The following ARID2 variants were observed in gnomAD, a reference collection of about 807,000 sequenced individuals.
ARID2 encodes AT-rich interaction domain 2, also known as AT-rich interactive domain-containing protein 2.
Under a neutral mutation model 184.6 loss-of-function variants are expected in ARID2, and 32 were observed. The ratio of observed to expected loss-of-function variants is 0.17; its 90% CI spans 0.13 to 0.23. ARID2 has a LOEUF of 0.23. ARID2 is among the 10% of genes least tolerant of loss of function. The probability of loss-of-function intolerance (pLI) is 1.00; values close to 1 mark genes in which losing one functional copy is unlikely to be tolerated. For missense variants in ARID2, 1,696 were observed against 2,197.6 expected, an observed-to-expected ratio of 0.77 and a Z score of 4.56; for synonymous variants, 836 against 772.6, an observed-to-expected ratio of 1.08 and a Z score of -1.36.
At chr12:45,730,407 TCTGAGCGCCGCGGCGGGGA>T (rs1454486126) in intron 2 of ARID2, among the ~76,000 whole-genome samples, 3 of 141,386 alleles carry the variant, frequency 2.1e-5, no homozygotes, top group Non-Finnish European at 4.6e-5. Flanking sequence ...GCCGGCGGGG[TCTGAGCGCCGCGGCGGGGA>T]ATGCGGGCGT....
chr12:45,743,850 G>A (rs1941308194), intron 3 of ARID2, among the ~76,000 whole-genome samples: 1 of 151,860 alleles, frequency 6.6e-6, no homozygotes, highest in South Asian at 2.1e-4. Flanking sequence ...TTATTCTTAG[G>A]GATATTGTTA....
chr12:45,757,141 G>A (rs1941586344), intron 3 of ARID2, among the ~76,000 whole-genome samples: 1 of 152,110 alleles, frequency 6.6e-6, no homozygotes, highest in Non-Finnish European at 1.5e-5. Flanking sequence ...GTACAATTTT[G>A]GATGATTGAC....
intron 16 of ARID2, among the ~76,000 whole-genome samples, chr12:45,890,104 A>C (rs2138229255): frequency 6.6e-6 from 1 of 152,350 alleles, no homozygotes; most frequent in Non-Finnish European, 1.5e-5. Context: ...GTAGTTAGAT[A>C]GAGAGAAAAT....
At chr12:45,847,306 A>G (rs1943460921) in intron 12 of ARID2, among the ~76,000 whole-genome samples, 1 of 152,078 alleles carries the variant, frequency 6.6e-6, no homozygotes, top group African/African-American at 2.4e-5. Flanking sequence ...ACTGAATTGG[A>G]CTGACCTTAA....
chr12:45,867,533 G>A (rs1247052806), intron 16 of ARID2, among the ~76,000 whole-genome samples: 2 of 151,480 alleles, frequency 1.3e-5, no homozygotes, highest in Admixed American at 6.6e-5. Flanking sequence ...GTGAGGTCAG[G>A]AGATCGAGAC....
intron 3 of ARID2, 66 bp from the exon 4 acceptor site, chr12:45,811,352 G>C (rs2138082100): frequency 6.8e-7 from 1 of 1,472,436 alleles, no homozygotes; most frequent in Non-Finnish European, 9.1e-7. Context: ...ACAAATATGT[G>C]GTGAGAGTTA....
chr12:45,743,543 C>T (rs1251177455), intron 3 of ARID2, among the ~76,000 whole-genome samples: 2 of 152,190 alleles, frequency 1.3e-5, no homozygotes, highest in Non-Finnish European at 2.9e-5. Context: ...GACTTTTTAA[C>T]ATGTTTTCAT....
At chr12:45,804,479 CGTGT>C (rs1428574052) in intron 3 of ARID2, among the ~76,000 whole-genome samples, 1 of 149,400 alleles carries the variant, frequency 6.7e-6, no homozygotes, top group Non-Finnish European at 1.5e-5. Flanking sequence ...CTAGTGTGTG[CGTGT>C]GTGTGCGTGT....
chr12:45,770,679 T>G (rs2138023494), intron 3 of ARID2, among the ~76,000 whole-genome samples: 1 of 152,232 alleles, frequency 6.6e-6, no homozygotes. Context: ...TTTTATGGCC[T>G]CAGAATAGGG....
intron 4 of ARID2, among the ~76,000 whole-genome samples, chr12:45,813,272 G>A (rs192741435): frequency 8.5e-5 from 13 of 152,118 alleles, no homozygotes; most frequent in Non-Finnish European, 1.6e-4. Context: ...TACTGAAAAG[G>A]GGTAGAATTT....
At chr12:45,899,270 CAAAAAAAAAAAA>C (rs774912363) in intron 20 of ARID2, among the ~76,000 whole-genome samples, 27 of 46,324 alleles carry the variant, frequency 5.8e-4, no homozygotes, top group South Asian at 3.9e-3. Context: ...GACTCTGTCT[CAAAAAAAAAAAA>C]AAAAAAAAAA....
chr12:45,888,485 C>T (rs1039864208), intron 16 of ARID2, among the ~76,000 whole-genome samples: 1 of 152,152 alleles, frequency 6.6e-6, no homozygotes, highest in African/African-American at 2.4e-5. Flanking sequence ...CGTTACTTAG[C>T]AAAGCTTGGC....
At position 45,809,319 on chromosome 12, in the gene ARID2, T is replaced by TTGC. The variant is rs141252094; in HGVS notation, c.285-2098_285-2096dup. 5.3e-3 allele frequency among the ~76,000 whole-genome samples: 814 copies of TTGC among 152,350 alleles called. 6 individuals carry two copies. The highest frequency in any genetic ancestry group is 0.019 in the African/African-American group (774 of 41,578). On this transcript the variant is annotated intron_variant, in intron 3 of 20. Coordinates refer to ENST00000334344, the MANE Select transcript of ARID2 (RefSeq NM_152641.4). ...TTGTGTGACATATATTATCCTTCAT[T>TTGC]TGCAGTAAAGATGCCACATAAATTT...
chr12:45,865,226 G>A (rs1362804933), intron 16 of ARID2, among the ~76,000 whole-genome samples: 5 of 152,002 alleles, frequency 3.3e-5, no homozygotes, highest in African/African-American at 4.8e-5. Flanking sequence ...TTTTTACTTC[G>A]TTTTATCATT....
intron 16 of ARID2, among the ~76,000 whole-genome samples, chr12:45,890,704 ATTAC>A (rs1470888021): frequency 6.6e-6 from 1 of 152,158 alleles, no homozygotes; most frequent in Non-Finnish European, 1.5e-5. Flanking sequence ...TCAGTATTTA[ATTAC>A]TTTTTTGATT....
intron 16 of ARID2, among the ~76,000 whole-genome samples, chr12:45,873,356 A>C (rs1592134696): frequency 6.6e-6 from 1 of 152,126 alleles, no homozygotes; most frequent in Admixed American, 6.5e-5. Context: ...TTTTCACTGT[A>C]GTTGCATTGA....
intron 3 of ARID2, chr12:45,755,877 A>G (rs958937512): frequency 1.8e-5 from 3 of 168,890 alleles, no homozygotes; most frequent in Admixed American, 6.5e-5. Context: ...ATAGATACAC[A>G]TATTTGAAAC....
intron 3 of ARID2, among the ~76,000 whole-genome samples, chr12:45,772,012 C>CTA (rs1565590320): frequency 2.0e-5 from 3 of 151,940 alleles, no homozygotes; most frequent in Admixed American, 6.5e-5. Context: ...GGAAATAGAG[C>CTA]TATATAGGAG....
chr12:45,795,579 C>G (rs1942376988), intron 3 of ARID2, among the ~76,000 whole-genome samples: 1 of 152,010 alleles, frequency 6.6e-6, no homozygotes, highest in South Asian at 2.1e-4. Flanking sequence ...ACTACAGGCG[C>G]CCGCCACCAC....
Sources: allele counts gnomAD v4.1 joint callset (sites outside exome capture counted in the v4.1 genomes callset), GRCh38; gene constraint gnomAD v4.1.1; transcripts MANE v1.5; gene names NCBI Gene and HGNC (gene_info 2026-07-23, HGNC 2026-07-21).